ZNF326: variants seen among roughly 807,000 people sequenced by gnomAD.
The protein encoded by ZNF326 is zinc finger protein 326.
Under a neutral mutation model 63.1 loss-of-function variants are expected in ZNF326, and 30 were observed. The observed-to-expected ratio is 0.48, with a 90% confidence interval of 0.36 to 0.64. The LOEUF (loss-of-function observed/expected upper bound fraction) is 0.64, where lower values mean the gene tolerates loss of function less well. Among genes scored for constraint, ZNF326 ranks in the 30% least tolerant of loss-of-function variants. ZNF326 has a pLI of 0.00. For synonymous variants in ZNF326, 194 were observed against 228.2 expected, an observed-to-expected ratio of 0.85 and a Z score of 1.35; for missense variants, 609 against 720.3, an observed-to-expected ratio of 0.85 and a Z score of 1.77.
At chr1:89,995,761 C>T (rs1379823604) in intron 1 of ZNF326, among the ~76,000 whole-genome samples, 2 of 152,198 alleles carry the variant, frequency 1.3e-5, no homozygotes, top group Non-Finnish European at 2.9e-5. Flanking sequence ...CTGTTTGTCC[C>T]GGTTTAAGAT....
At chr1:89,997,626 C>T (rs1648452551) in intron 1 of ZNF326, among the ~76,000 whole-genome samples, 1 of 152,222 alleles carries the variant, frequency 6.6e-6, no homozygotes, top group Admixed American at 6.5e-5. Context: ...CCCACCTCAC[C>T]TTCCCAAGTG....
At chr1:90,019,241 A>G (rs1649645499) in intron 9 of ZNF326, among the ~76,000 whole-genome samples, 1 of 152,292 alleles carries the variant, frequency 6.6e-6, no homozygotes, top group Admixed American at 6.5e-5. Context: ...AAGGAAAGAA[A>G]AACAGACACT....
chr1:90,018,565 G>C (rs1649609038), intron 8 of ZNF326, 120 bp from the exon 9 acceptor site: 3 of 496,132 alleles, frequency 6.0e-6, no homozygotes, highest in Non-Finnish European at 1.1e-5. Context: ...AACTCCTTGA[G>C]AAAAGATGTT....
intron 11 of ZNF326, among the ~76,000 whole-genome samples, chr1:90,026,026 C>T (rs917161844): frequency 3.3e-5 from 5 of 150,674 alleles, no homozygotes; most frequent in Admixed American, 6.6e-5. Flanking sequence ...TGCAGTGGCG[C>T]GATCTTGGCT....
chr1:90,034,802 G>A lies in ZNF326; in HGVS notation c.*7101G>A, dbSNP rs1242648261. Reference sequence around the variant, plus strand: ...AGCATAATCCTTATTCCAGAAAATTGTTCATCAAAGATAGCTATAGACCAG... The same window carrying A: ...AGCATAATCCTTATTCCAGAAAATTATTCATCAAAGATAGCTATAGACCAG... On this transcript the variant is annotated 3_prime_UTR_variant, in exon 12 of 12. Coordinates refer to ENST00000340281, the MANE Select transcript of ZNF326 (RefSeq NM_182976.4). 1 of 152,058 alleles carries A rather than the reference G, an allele frequency of 6.6e-6. No homozygotes were observed. Among genetic ancestry groups the A allele is most frequent in the Non-Finnish European group, 1.5e-5 (1 of 67,964 alleles). 9.4% of individuals were successfully genotyped at this position (152,058 alleles called of 1,614,324 possible). A position where few individuals can be genotyped will look rare whatever the true frequency, so the allele number is the denominator to read the frequency against.
Position 90,034,000 on chromosome 1 carries a change from C to G in ZNF326, c.*6299C>G, listed in dbSNP as rs535325157. On this transcript the variant is annotated 3_prime_UTR_variant, in exon 12 of 12. Coordinates refer to ENST00000340281, the MANE Select transcript of ZNF326 (RefSeq NM_182976.4). ...CATATTAGAAGTCTCCAGTGCTGAG[C>G]AAAAACAATGAAAAAGTCATGCAGG... The G allele has an allele frequency of 6.6e-6, 1 of 151,280 alleles. No individual in the cohort carries two copies. The highest frequency in any genetic ancestry group is 1.5e-5 in the Non-Finnish European group (1 of 67,818). The allele number at this position is 151,280 out of a possible 1,614,324, so 9.4% of individuals were successfully genotyped here.
intron 10 of ZNF326, 133 bp downstream of exon 10, chr1:90,021,055 C>G (rs1185448781): frequency 5.3e-6 from 5 of 950,592 alleles, no homozygotes; most frequent in Non-Finnish European, 1.5e-6. Context: ...TGTAAGTATA[C>G]TCAGAGAGGC....
In ZNF326 at chr1:90,005,068, A is replaced by G. The variant is rs753101147; in HGVS notation, c.97+30A>G. 7 of 1,614,008 alleles carry G rather than the reference A, an allele frequency of 4.3e-6. No individual in the cohort carries two copies. In the South Asian group the frequency reaches 7.7e-5, roughly 18 times the overall value. ...GACATTCAAGGATATTTATCTAAAA[A>G]TTCTTCTTTTGAGTGCCAGTAAAGG... On this transcript the variant is annotated intron_variant, in intron 3 of 11. Transcript: ENST00000340281.
chr1:90,022,382 G>GCAATACTACAA, intron 11 of ZNF326, 37 bp downstream of exon 11: 1 of 1,429,558 alleles, frequency 7.0e-7, no homozygotes, highest in Non-Finnish European at 9.8e-7. Context: ...CAATAATATT[G>GCAATACTACAA]TAGTATTGCA....
chr1:90,024,918 C>CT (rs1649939181), intron 11 of ZNF326, among the ~76,000 whole-genome samples: 1 of 150,338 alleles, frequency 6.7e-6, no homozygotes, highest in African/African-American at 2.4e-5. Flanking sequence ...TCTTCTTTGC[C>CT]TTTCATCTTT....
chr1:90,024,696 C>A (rs527966658), intron 11 of ZNF326, among the ~76,000 whole-genome samples: 6 of 151,962 alleles, frequency 3.9e-5, no homozygotes, highest in Non-Finnish European at 7.4e-5. Flanking sequence ...CTCACTGCAG[C>A]CTTGAACTCC....
intron 7 of ZNF326, among the ~76,000 whole-genome samples, chr1:90,013,821 T>C (rs1224683926): frequency 6.6e-6 from 1 of 152,030 alleles, no homozygotes; most frequent in African/African-American, 2.4e-5. Context: ...CCCAGCACTT[T>C]GGGAGGCCGA....
intron 11 of ZNF326, among the ~76,000 whole-genome samples, chr1:90,025,715 G>C (rs576899773): frequency 6.6e-6 from 1 of 152,200 alleles, no homozygotes; most frequent in African/African-American, 2.4e-5. Flanking sequence ...TACTAATGTT[G>C]TCATTATCAA....
intron 2 of ZNF326, among the ~76,000 whole-genome samples, chr1:89,999,193 G>T (rs747467342): frequency 6.6e-6 from 1 of 152,122 alleles, no homozygotes; most frequent in African/African-American, 2.4e-5. Context: ...AACTTGGGAG[G>T]TGATAGTAGT....
intron 6 of ZNF326, among the ~76,000 whole-genome samples, chr1:90,011,851 T>G (rs1320694658): frequency 6.6e-6 from 1 of 152,168 alleles, no homozygotes; most frequent in Non-Finnish European, 1.5e-5. Flanking sequence ...TTTATTTTTA[T>G]TTTTGAGACA....
At chr1:90,008,636 A>T (rs1362170308) in intron 5 of ZNF326, among the ~76,000 whole-genome samples, 1 of 152,150 alleles carries the variant, frequency 6.6e-6, no homozygotes, top group Non-Finnish European at 1.5e-5. Flanking sequence ...TATTTTTGTT[A>T]TAATGTAAGA....
In ZNF326 at chr1:90,007,553, A is replaced by G. The variant is rs764851124; in HGVS notation, c.418A>G (p.Lys140Glu). Reference protein sequence around the residue: ...SSWEAPYSRSKLRPGFMEDRG... With the variant: ...SSWEAPYSRSELRPGFMEDRG... The stretch of plus-strand genomic sequence containing the variant: ...CTGGGAAGCACCTTACTCCCGTTCA[A>G]AATTGAGGCCTGGGTTTATGGAGGA... Residue 140 changes from lysine to glutamate, a missense_variant, in exon 5 of 12, where the codon AAA (lysine) becomes GAA (glutamate). Physicochemically the swap from Lys to Glu is moderately conservative, Grantham distance 56. Coordinates refer to ENST00000340281, the MANE Select transcript of ZNF326 (RefSeq NM_182976.4). This position sits in a 1 kb window ranked among gnomAD's most constrained non-coding sequence, Gnocchi z 4.9. 18 of 1,613,804 alleles carry G rather than the reference A, an allele frequency of 1.1e-5. No homozygotes were observed. Among genetic ancestry groups the G allele is most frequent in the East Asian group, 2.2e-5 (1 of 44,878 alleles).
Position 90,031,781 on chromosome 1 carries a change from A to G in ZNF326, c.*4080A>G, listed in dbSNP as rs1650282558. ...CATTATATTGGTTAGGTTGGTCTTG[A>G]ACTCCTGACCTCAAGTGATCTGCCT... On this transcript the variant is annotated 3_prime_UTR_variant, in exon 12 of 12. Coordinates refer to ENST00000340281, the MANE Select transcript of ZNF326 (RefSeq NM_182976.4). 1 of 152,140 alleles carries G rather than the reference A, an allele frequency of 6.6e-6. No homozygotes were observed. The highest frequency in any genetic ancestry group is 1.5e-5 in the Non-Finnish European group (1 of 68,052). 9.4% of individuals were successfully genotyped at this position (152,140 alleles called of 1,614,324 possible). A position where few individuals can be genotyped will look rare whatever the true frequency, so the allele number is the denominator to read the frequency against.
At chr1:89,998,610 G>C (rs924066867) in intron 2 of ZNF326, among the ~76,000 whole-genome samples, 6 of 152,154 alleles carry the variant, frequency 3.9e-5, no homozygotes, top group African/African-American at 1.4e-4. Flanking sequence ...GAGCTGTCTA[G>C]AGGAGCACAT....
Sources: allele counts gnomAD v4.1 joint callset (sites outside exome capture counted in the v4.1 genomes callset), GRCh38; gene constraint gnomAD v4.1.1; non-coding constraint Gnocchi (gnomAD v3.1); transcripts MANE v1.5; gene names NCBI Gene and HGNC (gene_info 2026-07-23, HGNC 2026-07-21).